The following ZNF609 variants were observed in gnomAD, a reference collection of about 807,000 sequenced individuals.
The protein encoded by ZNF609 is zinc finger protein 609.
In ZNF609, 11 loss-of-function variants were observed where a neutral mutation model predicts 109.5. That is an observed-to-expected ratio of 0.10 (90% CI 0.06 to 0.17). ZNF609 has a LOEUF of 0.17. Ranked by LOEUF, ZNF609 falls within the 10% of genes least tolerant of loss-of-function variation. The probability of loss-of-function intolerance (pLI) is 1.00; values close to 1 mark genes in which losing one functional copy is unlikely to be tolerated. For synonymous variants in ZNF609, 646 were observed against 662.0 expected, an observed-to-expected ratio of 0.98 and a Z score of 0.37; for missense variants, 1,559 against 1,772.4, an observed-to-expected ratio of 0.88 and a Z score of 2.16.
intron 2 of ZNF609, among the ~76,000 whole-genome samples, chr15:64,605,520 C>G (rs750278220): frequency 6.6e-6 from 1 of 152,122 alleles, no homozygotes; most frequent in Non-Finnish European, 1.5e-5. Context: ...TTATTATTGT[C>G]TAATATTTTT....
At chr15:64,472,062 C>T (rs1053800419) in intron 1 of ZNF609, among the ~76,000 whole-genome samples, 7 of 151,922 alleles carry the variant, frequency 4.6e-5, no homozygotes, top group African/African-American at 1.5e-4. Context: ...AGGTGTCTGC[C>T]ACCACGCCCA....
chr15:64,543,485 C>T (rs529172650), intron 2 of ZNF609, among the ~76,000 whole-genome samples: 1 of 150,984 alleles, frequency 6.6e-6, no homozygotes, highest in African/African-American at 2.4e-5. Context: ...CCTCTGTTGC[C>T]CAGGCTGAAG....
chr15:64,576,711 A>T (rs899207852), intron 2 of ZNF609, among the ~76,000 whole-genome samples: 1 of 151,190 alleles, frequency 6.6e-6, no homozygotes, highest in Non-Finnish European at 1.5e-5. Context: ...GACTGAAGCG[A>T]ATGGATCACT....
At chr15:64,588,564 CA>C (rs1384115210) in intron 2 of ZNF609, among the ~76,000 whole-genome samples, 1 of 151,442 alleles carries the variant, frequency 6.6e-6, no homozygotes, top group Non-Finnish European at 1.5e-5. Context: ...ACGCTGGTCT[CA>C]AACTCCTGGG....
intron 2 of ZNF609, among the ~76,000 whole-genome samples, chr15:64,614,554 AAAAT>A (rs1190062179): frequency 6.6e-6 from 1 of 152,010 alleles, no homozygotes; most frequent in Non-Finnish European, 1.5e-5. Flanking sequence ...TCAAGAGACA[AAAAT>A]AAATAACTTA....
At chr15:64,601,385 CAT>C (rs531563587) in intron 2 of ZNF609, among the ~76,000 whole-genome samples, 170 of 152,218 alleles carry the variant, frequency 1.1e-3, no homozygotes, top group African/African-American at 4.0e-3. Flanking sequence ...ATGACACACT[CAT>C]GTGGAAAGTT....
chr15:64,531,612 G>A (rs1057260498), intron 2 of ZNF609, among the ~76,000 whole-genome samples: 7 of 151,664 alleles, frequency 4.6e-5, no homozygotes, highest in African/African-American at 9.7e-5. Flanking sequence ...TTGCCCAGGC[G>A]GGTCTTGAAC....
chr15:64,538,378 G>A (rs1473650880), intron 2 of ZNF609, among the ~76,000 whole-genome samples: 1 of 152,158 alleles, frequency 6.6e-6, no homozygotes, highest in Non-Finnish European at 1.5e-5. Flanking sequence ...CCACTAAAAT[G>A]TTTGAGGCTT....
At chr15:64,678,717 G>T (rs1044124920) in intron 6 of ZNF609, among the ~76,000 whole-genome samples, 2 of 152,168 alleles carry the variant, frequency 1.3e-5, no homozygotes, top group African/African-American at 4.8e-5. Flanking sequence ...CTCAAGGATT[G>T]TCTCTGTAGT....
At chr15:64,632,108 A>G (rs1238745970) in intron 3 of ZNF609, among the ~76,000 whole-genome samples, 1 of 152,116 alleles carries the variant, frequency 6.6e-6, no homozygotes, top group African/African-American at 2.4e-5. Flanking sequence ...GCTCACATAC[A>G]GTGGCACGAT....
At chr15:64,574,171 A>ATTTT (rs71133443) in intron 2 of ZNF609, among the ~76,000 whole-genome samples, 53 of 91,068 alleles carry the variant, frequency 5.8e-4, no homozygotes, top group African/African-American at 2.7e-3. Flanking sequence ...TTCATGCTGG[A>ATTTT]TTTTTTTTTT....
intron 3 of ZNF609, among the ~76,000 whole-genome samples, chr15:64,656,524 T>C (rs1191077387): frequency 6.6e-6 from 1 of 152,224 alleles, no homozygotes; most frequent in Non-Finnish European, 1.5e-5. Context: ...CTCACTCTTC[T>C]TCATGTGTGT....
intron 3 of ZNF609, among the ~76,000 whole-genome samples, chr15:64,649,059 G>T (rs1896376905): frequency 6.6e-6 from 1 of 151,990 alleles, no homozygotes; most frequent in Non-Finnish European, 1.5e-5. Flanking sequence ...CTCCAGCTTT[G>T]GTTGGGCAAA....
intron 2 of ZNF609, among the ~76,000 whole-genome samples, chr15:64,589,539 C>G (rs1269116863): frequency 6.6e-6 from 1 of 152,154 alleles, no homozygotes; most frequent in Non-Finnish European, 1.5e-5. Context: ...AGTTAAATAA[C>G]TTGCCTAAAG....
At position 64,630,735 on chromosome 15, in the gene ZNF609, T is replaced by G. The variant is rs996901779; in HGVS notation, c.973+7683T>G. Among the ~76,000 whole-genome samples the G allele has an allele frequency of 2.0e-5, 3 of 152,294 alleles. No individual in the cohort carries two copies. In the East Asian group the frequency reaches 5.8e-4, roughly 29 times the overall value. Reference sequence around the variant, plus strand: ...TGCCTGCCTCAGCCTCCCAAAGTGCTAGGATTACAGGCATGAGCCACTGCA... The same window carrying G: ...TGCCTGCCTCAGCCTCCCAAAGTGCGAGGATTACAGGCATGAGCCACTGCA... On this transcript the variant is annotated intron_variant, in intron 3 of 9. Coordinates refer to ENST00000326648, the MANE Select transcript of ZNF609 (RefSeq NM_015042.2).
intron 2 of ZNF609, among the ~76,000 whole-genome samples, chr15:64,571,145 C>T (rs567922790): frequency 6.6e-6 from 1 of 152,278 alleles, no homozygotes; most frequent in East Asian, 1.9e-4. Flanking sequence ...AGGTTGATAA[C>T]AAATTCCTTC....
chr15:64,538,174 T>C (rs1451703899), intron 2 of ZNF609, among the ~76,000 whole-genome samples: 1 of 152,160 alleles, frequency 6.6e-6, no homozygotes, highest in Non-Finnish European at 1.5e-5. Context: ...CTCTTTCCTT[T>C]GTTGCATTAG....
intron 2 of ZNF609, among the ~76,000 whole-genome samples, chr15:64,550,839 GAAAA>G (rs35566414): frequency 2.7e-5 from 2 of 75,326 alleles, no homozygotes; most frequent in African/African-American, 7.7e-5. Flanking sequence ...TCTGTCTCGG[GAAAA>G]AAAAAAAAAA....
At chr15:64,680,961 C>A in intron 8 of ZNF609, 99 bp downstream of exon 8, 1 of 1,338,212 alleles carries the variant, frequency 7.5e-7, no homozygotes, top group South Asian at 1.4e-5. Flanking sequence ...TCCTACCTGC[C>A]TCATAAGAAT....
Sources: allele counts gnomAD v4.1 joint callset (sites outside exome capture counted in the v4.1 genomes callset), GRCh38; gene constraint gnomAD v4.1.1; transcripts MANE v1.5; gene names NCBI Gene and HGNC (gene_info 2026-07-23, HGNC 2026-07-21).